CREBBP: variants seen among roughly 807,000 people sequenced by gnomAD.
CREBBP encodes the protein CREB-binding protein.
Under a neutral mutation model 265.0 loss-of-function variants are expected in CREBBP, and 19 were observed. The ratio of observed to expected loss-of-function variants is 0.07; its 90% CI spans 0.05 to 0.11. CREBBP has a LOEUF of 0.11. Ranked by LOEUF, CREBBP falls within the 10% of genes least tolerant of loss-of-function variation. The probability of loss-of-function intolerance (pLI) is 1.00; values close to 1 mark genes in which losing one functional copy is unlikely to be tolerated. For missense variants in CREBBP, 2,525 were observed against 3,219.0 expected (o/e 0.78, Z 5.22); for synonymous variants, 1,457 against 1,223.7 (o/e 1.19, Z -3.98).
At chr16:3,868,837 C>T (rs1213294184) in intron 1 of CREBBP, among the ~76,000 whole-genome samples, 2 of 152,240 alleles carry the variant, frequency 1.3e-5, no homozygotes, top group Non-Finnish European at 2.9e-5. Flanking sequence ...CTACTGTCAT[C>T]ACCACAGCCC....
Position 3,728,429 on chromosome 16 carries a change from C to T in CREBBP, c.6618G>A (p.Gln2206=). The T allele has an allele frequency of 1.2e-6, 2 of 1,612,782 alleles. No homozygotes were observed. The highest frequency in any genetic ancestry group is 1.7e-6 in the Non-Finnish European group (2 of 1,179,224). ...GCTGCTGCTGTTGCTGCTGTTGTTG[C>T]TGCTGCTGTTGCTGCTGCTGCTGCA... The part of the protein sequence containing the change: ...QLLQQQQQQQ[Q]QQQQQQQQQQ... Residue 2206 remains glutamine (Q), a synonymous_variant, in exon 31 of 31, where the codon CAG becomes CAA. Transcript: ENST00000262367. This position sits in a 1 kb window ranked among gnomAD's most constrained non-coding sequence, Gnocchi z 8.7.
chr16:3,788,365 T>C (rs1350489778), intron 5 of CREBBP, among the ~76,000 whole-genome samples: 1 of 152,182 alleles, frequency 6.6e-6, no homozygotes, highest in African/African-American at 2.4e-5. Context: ...AATTTCTTTA[T>C]TGCTTACAAC....
At chr16:3,835,225 T>C (rs1341373649) in intron 2 of CREBBP, among the ~76,000 whole-genome samples, 3 of 151,900 alleles carry the variant, frequency 2.0e-5, no homozygotes, top group East Asian at 1.9e-4. Flanking sequence ...AATAGAAAAA[T>C]AGATCAATAG....
intron 2 of CREBBP, among the ~76,000 whole-genome samples, 189 bp downstream of exon 2, chr16:3,850,108 C>T (rs1435021112): frequency 3.9e-5 from 6 of 152,122 alleles, no homozygotes; most frequent in Admixed American, 2.0e-4. Context: ...TAAGAATTCT[C>T]ATTTTAAAGA....
intron 1 of CREBBP, among the ~76,000 whole-genome samples, chr16:3,864,077 G>C (rs985483851): frequency 2.0e-5 from 3 of 152,196 alleles, no homozygotes; most frequent in African/African-American, 7.2e-5. Context: ...CTAGGAGCTA[G>C]CCTTTGCAGA....
At chr16:3,846,647 C>T (rs976793608) in intron 2 of CREBBP, among the ~76,000 whole-genome samples, 2 of 152,122 alleles carry the variant, frequency 1.3e-5, no homozygotes, top group African/African-American at 2.4e-5. Context: ...GACAGCTACG[C>T]GGAGCATGGA....
intron 2 of CREBBP, among the ~76,000 whole-genome samples, chr16:3,842,717 C>T (rs976270924): frequency 1.1e-4 from 17 of 151,972 alleles, no homozygotes; most frequent in African/African-American, 4.1e-4. Context: ...GTAACCTCAG[C>T]ACTTTGGGAG....
At chr16:3,752,972 A>G (rs1397162553) in intron 19 of CREBBP, among the ~76,000 whole-genome samples, 1 of 152,240 alleles carries the variant, frequency 6.6e-6, no homozygotes, top group Non-Finnish European at 1.5e-5. Context: ...ATGAGTACAC[A>G]AGAATACCGT....
intron 1 of CREBBP, among the ~76,000 whole-genome samples, chr16:3,863,238 A>T (rs1251163870): frequency 6.6e-6 from 1 of 152,152 alleles, no homozygotes; most frequent in Non-Finnish European, 1.5e-5. Flanking sequence ...TGATGGCTGT[A>T]CTCTGTATCA....
intron 1 of CREBBP, among the ~76,000 whole-genome samples, chr16:3,871,432 G>A (rs2055297688): frequency 6.6e-6 from 1 of 152,196 alleles, no homozygotes; most frequent in Admixed American, 6.5e-5. Context: ...TTAATCAGGT[G>A]ACAAATACTC....
chr16:3,730,993 G>A (rs912526930), intron 30 of CREBBP, among the ~76,000 whole-genome samples, 199 bp downstream of exon 30: 5 of 152,244 alleles, frequency 3.3e-5, no homozygotes, highest in African/African-American at 1.2e-4. Flanking sequence ...GGTCAGGCCT[G>A]TGGCTGTGGC....
chr16:3,831,989 T>A (rs1436434328), intron 2 of CREBBP, among the ~76,000 whole-genome samples: 1 of 150,968 alleles, frequency 6.6e-6, no homozygotes, highest in African/African-American at 2.4e-5. Flanking sequence ...GGAGTGAGAC[T>A]CTGACTCAGT....
chr16:3,828,880 A>T (rs984087926), intron 2 of CREBBP, among the ~76,000 whole-genome samples: 43 of 152,332 alleles, frequency 2.8e-4, no homozygotes, highest in Non-Finnish European at 1.2e-4. Flanking sequence ...AATGAGAAAA[A>T]GCAAGATCAT....
Position 3,727,487 on chromosome 16 carries a change from AC to A in CREBBP, c.*230del, listed in dbSNP as rs1295066189. 147 of 116,540 alleles carry A rather than the reference AC, an allele frequency of 1.3e-3. No individual in the cohort carries two copies. The highest frequency in any genetic ancestry group is 3.9e-3 in the African/African-American group (120 of 30,396). The allele number at this position is 116,540 out of a possible 1,614,324, so 7.2% of individuals were successfully genotyped here. ...ACAAAAACAAAACGGAAAAAAAAGAACCCCCCCCACCCCCCCGCCAAAAAAA... is the reference window on the plus strand; with the variant it reads ...ACAAAAACAAAACGGAAAAAAAAGAACCCCCCCACCCCCCCGCCAAAAAAA... On this transcript the variant is annotated 3_prime_UTR_variant, in exon 31 of 31. Transcript: ENST00000262367.
intron 2 of CREBBP, among the ~76,000 whole-genome samples, chr16:3,817,250 T>C (rs1159066902): frequency 6.6e-6 from 1 of 152,210 alleles, no homozygotes. Flanking sequence ...CTCATGCCCT[T>C]ACCCAGAGCT....
At chr16:3,773,975 C>T (rs780891494) in intron 12 of CREBBP, 45 bp from the exon 13 acceptor site, 52 of 1,604,526 alleles carry the variant, frequency 3.2e-5, no homozygotes, top group South Asian at 4.4e-5. Flanking sequence ...CGGAAGCTGA[C>T]GGCCAGAGTT....
At chr16:3,761,674 C>T (rs970709057) in intron 16 of CREBBP, 9 of 485,994 alleles carry the variant, frequency 1.9e-5, no homozygotes, top group Admixed American at 1.1e-4. Context: ...AAAACCCCGA[C>T]GCAGCACTCC....
intron 13 of CREBBP, 108 bp from the exon 14 acceptor site, chr16:3,771,094 G>A: frequency 8.4e-7 from 1 of 1,193,636 alleles, no homozygotes; most frequent in Non-Finnish European, 1.2e-6. Flanking sequence ...TTTTGAGACA[G>A]TTTCACTCTT....
At position 3,810,657 on chromosome 16, in the gene CREBBP, C is replaced by T; in HGVS notation, c.921G>A (p.Leu307=). 6.2e-7 allele frequency: 1 copy of T among 1,613,824 alleles called. No individual in the cohort carries two copies. The highest frequency in any genetic ancestry group is 1.1e-5 in the South Asian group (1 of 91,056). ...TCTTGATATCTGTAGGGAAGGTGGG[C>T]AAACTGTTGACCATGCTCTGTTTGC... is the stretch of plus-strand genomic sequence containing the variant. ...LASKQSMVNS[L]PTFPTDIKNT... Residue 307 remains leucine, a synonymous_variant, in exon 3 of 31, where the codon TTG becomes TTA. Transcript: ENST00000262367.
Sources: allele counts gnomAD v4.1 joint callset (sites outside exome capture counted in the v4.1 genomes callset), GRCh38; gene constraint gnomAD v4.1.1; non-coding constraint Gnocchi (gnomAD v3.1); transcripts MANE v1.5; gene names NCBI Gene and HGNC (gene_info 2026-07-23, HGNC 2026-07-21).